The following MAML2 variants were observed in gnomAD, a reference collection of about 807,000 sequenced individuals.
MAML2 encodes the protein mastermind like transcriptional coactivator 2, also known as mastermind-like protein 2.
In MAML2, 22 loss-of-function variants were observed where a neutral mutation model predicts 96.1. That is an observed-to-expected ratio of 0.23 (90% CI 0.16 to 0.33). The LOEUF is 0.33. Ranked by LOEUF, MAML2 falls within the 10% of genes least tolerant of loss-of-function variation. The pLI is 1.00. For synonymous variants in MAML2, 561 were observed against 521.3 expected, an observed-to-expected ratio of 1.08 and a Z score of -1.04; for missense variants, 1,367 against 1,392.4, an observed-to-expected ratio of 0.98 and a Z score of 0.29.
intron 1 of MAML2, among the ~76,000 whole-genome samples, chr11:96,214,810 T>C (rs1183551813): frequency 6.6e-6 from 1 of 152,204 alleles, no homozygotes; most frequent in Non-Finnish European, 1.5e-5. Flanking sequence ...AAAGTCACCC[T>C]TTCCTCAAGT....
chr11:96,309,934 C>T (rs1175552833), intron 1 of MAML2, among the ~76,000 whole-genome samples: 1 of 152,060 alleles, frequency 6.6e-6, no homozygotes, highest in Non-Finnish European at 1.5e-5. Context: ...AACTCCTGGA[C>T]TCAAGCAGTC....
chr11:96,326,459 T>C (rs1040108818), intron 1 of MAML2, among the ~76,000 whole-genome samples: 2 of 151,822 alleles, frequency 1.3e-5, no homozygotes, highest in Non-Finnish European at 2.9e-5. Flanking sequence ...TTGCATGCCC[T>C]TCCTTCTTTC....
intron 4 of MAML2, among the ~76,000 whole-genome samples, chr11:95,982,282 C>T (rs1004680808): frequency 6.6e-6 from 1 of 152,098 alleles, no homozygotes; most frequent in Non-Finnish European, 1.5e-5. Context: ...TACCCAATAT[C>T]CAACCTCTCT....
intron 1 of MAML2, among the ~76,000 whole-genome samples, chr11:96,259,285 T>C (rs760375831): frequency 3.9e-5 from 6 of 152,232 alleles, no homozygotes; most frequent in Non-Finnish European, 7.3e-5. Flanking sequence ...AAAGCATGTG[T>C]TGATAGACTA....
chr11:96,135,029 G>A (rs1325467653), intron 1 of MAML2, among the ~76,000 whole-genome samples: 1 of 152,222 alleles, frequency 6.6e-6, no homozygotes, highest in Non-Finnish European at 1.5e-5. Flanking sequence ...TGGTTTGAAT[G>A]TGCCCCACAA....
intron 2 of MAML2, among the ~76,000 whole-genome samples, chr11:96,013,477 G>A (rs1858295386): frequency 6.6e-6 from 1 of 152,176 alleles, no homozygotes; most frequent in African/African-American, 2.4e-5. Context: ...GTACTGGGTA[G>A]AGAAAGGCAG....
chr11:96,227,954 T>C (rs1166676500), intron 1 of MAML2, among the ~76,000 whole-genome samples: 2 of 151,956 alleles, frequency 1.3e-5, no homozygotes, highest in Non-Finnish European at 2.9e-5. Flanking sequence ...ACTACAAAAA[T>C]AGTGGAGCGT....
chr11:96,182,891 C>G (rs1220355386), intron 1 of MAML2, among the ~76,000 whole-genome samples: 1 of 151,956 alleles, frequency 6.6e-6, no homozygotes, highest in African/African-American at 2.4e-5. Flanking sequence ...CGCTATCATA[C>G]CCGTTAATTA....
intron 1 of MAML2, among the ~76,000 whole-genome samples, chr11:96,138,561 C>T (rs891970498): frequency 3.9e-5 from 6 of 152,088 alleles, no homozygotes; most frequent in Non-Finnish European, 8.8e-5. Context: ...GATCTTATTG[C>T]ACTCTTCCTG....
chr11:96,006,273 G>T (rs1025433014), intron 2 of MAML2, among the ~76,000 whole-genome samples: 1 of 152,142 alleles, frequency 6.6e-6, no homozygotes, highest in African/African-American at 2.4e-5. Context: ...AGAAAATCAA[G>T]TTATTTACCA....
rs1290651409 is a variant in MAML2, at chr11:96,092,231, C to CTGCTGCTGT, written c.1799_1800insACAGCAGCA (p.Gln619_Gln621dup). The CTGCTGCTGT allele has an allele frequency of 4.6e-6, 7 of 1,527,202 alleles. No homozygotes were observed. In the Admixed American group the frequency reaches 6.0e-5, roughly 13 times the overall value. The allele number at this position is 1,527,202 out of a possible 1,614,324, so 94.6% of individuals were successfully genotyped here. On this transcript the variant is annotated inframe_insertion, in exon 2 of 5. Coordinates refer to ENST00000524717, the MANE Select transcript of MAML2 (RefSeq NM_032427.4). The surrounding 1 kb of genome is among the most constrained non-coding windows in gnomAD (Gnocchi z 4.1). Reference sequence around the variant, plus strand: ...GCTGTTGCTGCTGCTGCTGCTGCTGCTGCTGCTGCTGCTGCTGCTGTTGCT... The same window carrying CTGCTGCTGT: ...GCTGTTGCTGCTGCTGCTGCTGCTGCTGCTGCTGTTGCTGCTGCTGCTGCTGCTGTTGCT...
At chr11:96,115,774 G>T (rs765976297) in intron 1 of MAML2, among the ~76,000 whole-genome samples, 19 of 152,064 alleles carry the variant, frequency 1.2e-4, no homozygotes, top group Non-Finnish European at 2.2e-4. Context: ...TAGGATGGTC[G>T]GTGATAGTGG....
chr11:96,187,332 T>C (rs1861590122), intron 1 of MAML2, among the ~76,000 whole-genome samples: 1 of 152,234 alleles, frequency 6.6e-6, no homozygotes, highest in Non-Finnish European at 1.5e-5. Context: ...AGAAATATAT[T>C]TGGTATTTTC....
intron 1 of MAML2, among the ~76,000 whole-genome samples, chr11:96,203,085 A>G (rs1420185176): frequency 6.6e-6 from 1 of 152,242 alleles, no homozygotes; most frequent in Non-Finnish European, 1.5e-5. Context: ...TGCAAATGTA[A>G]CATATCAGGC....
At chr11:96,339,654 C>T (rs72977877) in intron 1 of MAML2, among the ~76,000 whole-genome samples, 79 of 152,330 alleles carry the variant, frequency 5.2e-4, no homozygotes, top group Admixed American at 7.8e-4. Context: ...CTGTGAAGCA[C>T]ACAAAGCCGC....
At chr11:96,071,856 T>G (rs1859349984) in intron 2 of MAML2, among the ~76,000 whole-genome samples, 1 of 152,214 alleles carries the variant, frequency 6.6e-6, no homozygotes, top group Admixed American at 6.5e-5. Flanking sequence ...CACAACATAT[T>G]GCCACTGGCC....
chr11:96,338,059 AC>A (rs1863941395), intron 1 of MAML2, among the ~76,000 whole-genome samples: 1 of 152,214 alleles, frequency 6.6e-6, no homozygotes, highest in Non-Finnish European at 1.5e-5. Flanking sequence ...ATGACATGGA[AC>A]CACTTATCTA....
At chr11:96,035,492 C>T (rs1353061826) in intron 2 of MAML2, among the ~76,000 whole-genome samples, 1 of 152,092 alleles carries the variant, frequency 6.6e-6, no homozygotes, top group Non-Finnish European at 1.5e-5. Context: ...GCTCCTGGCA[C>T]TGGAAAGTCA....
At chr11:96,002,494 A>G (rs1194590119) in intron 2 of MAML2, among the ~76,000 whole-genome samples, 2 of 152,146 alleles carry the variant, frequency 1.3e-5, no homozygotes, top group Non-Finnish European at 2.9e-5. Context: ...GTGAATGATG[A>G]TGGAGATCAT....
Sources: allele counts gnomAD v4.1 joint callset (sites outside exome capture counted in the v4.1 genomes callset), GRCh38; gene constraint gnomAD v4.1.1; non-coding constraint Gnocchi (gnomAD v3.1); transcripts MANE v1.5; gene names NCBI Gene and HGNC (gene_info 2026-07-23, HGNC 2026-07-21).